The following PRICKLE2 variants were observed in gnomAD, a reference collection of about 807,000 sequenced individuals.
PRICKLE2 encodes the protein prickle planar cell polarity protein 2.
Under a neutral mutation model 81.4 loss-of-function variants are expected in PRICKLE2, and 21 were observed. The ratio of observed to expected loss-of-function variants is 0.26; its 90% CI spans 0.18 to 0.37. PRICKLE2 has a LOEUF of 0.37. Ranked by LOEUF, PRICKLE2 falls within the 10% of genes least tolerant of loss-of-function variation. The probability of loss-of-function intolerance (pLI) is 1.00; values close to 1 mark genes in which losing one functional copy is unlikely to be tolerated. For synonymous variants in PRICKLE2, 456 were observed against 421.5 expected, an observed-to-expected ratio of 1.08 and a Z score of -1.00; for missense variants, 940 against 1,109.0, an observed-to-expected ratio of 0.85 and a Z score of 2.16.
chr3:64,128,171 G>C lies in PRICKLE2; in HGVS notation c.1660+18659C>G, dbSNP rs138317692. On this transcript the variant is annotated intron_variant, in intron 7 of 7. Transcript: ENST00000638394. ...GTCACAGTGTGGGCAGGAAGGGCTGGCCTGGTCTAAGAGTGCCCACAGCGG... is the reference window on the plus strand; with the variant it reads ...GTCACAGTGTGGGCAGGAAGGGCTGCCCTGGTCTAAGAGTGCCCACAGCGG... 3.4e-3 allele frequency among the ~76,000 whole-genome samples: 520 copies of C among 152,260 alleles called. 1 individual carries two copies. Among genetic ancestry groups the C allele is most frequent in the African/African-American group, 0.011 (456 of 41,556 alleles).
At chr3:64,221,458 C>G (rs898016840) in intron 1 of PRICKLE2, among the ~76,000 whole-genome samples, 1 of 149,304 alleles carries the variant, frequency 6.7e-6, no homozygotes, top group Non-Finnish European at 1.5e-5. Flanking sequence ...CACACACACA[C>G]GCACACACAC....
Position 64,249,669 on chromosome 3 carries a change from T to C in PRICKLE2, c.129-50702A>G, listed in dbSNP as rs186150384. On this transcript the variant is annotated intron_variant, in intron 2 of 8. Coordinates refer to the PRICKLE2 transcript ENST00000295902. ...TCCTTGAACCCTACTGGTCATCTGT[T>C]CTATTCTACTTCCAGAATGTTATGT... Among the ~76,000 whole-genome samples, 120 of 152,342 alleles carry C rather than the reference T, an allele frequency of 7.9e-4. 1 individual carries two copies. Among genetic ancestry groups the C allele is most frequent in the African/African-American group, 2.8e-3 (115 of 41,592 alleles).
chr3:64,167,981 T>C (rs558934527), intron 2 of PRICKLE2, among the ~76,000 whole-genome samples: 1 of 152,252 alleles, frequency 6.6e-6, no homozygotes, highest in Admixed American at 6.5e-5. Flanking sequence ...AATGGTAGGA[T>C]TCCCACTTTC....
upstream of PRICKLE2, among the ~76,000 whole-genome samples, chr3:64,227,951 T>C (rs1475797495): frequency 6.6e-6 from 1 of 152,172 alleles, no homozygotes; most frequent in East Asian, 1.9e-4. Context: ...CAAAGTTCTA[T>C]CTAATGTGGG....
intron 2 of PRICKLE2, among the ~76,000 whole-genome samples, chr3:64,249,244 A>C (rs2079405828): frequency 6.6e-6 from 1 of 151,094 alleles, no homozygotes; most frequent in Admixed American, 6.6e-5. Flanking sequence ...GAGGAAAGAA[A>C]GAAAGCGAAG....
chr3:64,159,842 G>A, intron 4 of PRICKLE2, 98 bp downstream of exon 4: 1 of 1,481,118 alleles, frequency 6.8e-7, no homozygotes, highest in Non-Finnish European at 9.4e-7. Flanking sequence ...CTGTATCTCA[G>A]GCACATAGTA....
At chr3:64,248,610 T>C (rs114785437) in intron 2 of PRICKLE2, among the ~76,000 whole-genome samples, 1 of 151,788 alleles carries the variant, frequency 6.6e-6, no homozygotes, top group Non-Finnish European at 1.5e-5. Context: ...GGAAAAACCT[T>C]GTCCTTTCAT....
chr3:64,162,973 A>C, intron 3 of PRICKLE2, 43 bp downstream of exon 3: 3 of 1,146,846 alleles, frequency 2.6e-6, no homozygotes, highest in Non-Finnish European at 4.0e-6. Flanking sequence ...AATTCATAGA[A>C]GGCACTAAGA....
intron 2 of PRICKLE2, among the ~76,000 whole-genome samples, chr3:64,180,354 T>C (rs1229152718): frequency 6.6e-6 from 1 of 152,146 alleles, no homozygotes; most frequent in Non-Finnish European, 1.5e-5. Context: ...TTTACCACTT[T>C]TCAGCAGCAT....
At chr3:64,185,841 T>C (rs1373956868) in intron 2 of PRICKLE2, among the ~76,000 whole-genome samples, 1 of 152,206 alleles carries the variant, frequency 6.6e-6, no homozygotes, top group East Asian at 1.9e-4. Flanking sequence ...AGTTCCAACA[T>C]ATGTATGTAC....
chr3:64,189,784 C>T (rs542863984), intron 2 of PRICKLE2, among the ~76,000 whole-genome samples: 3 of 152,134 alleles, frequency 2.0e-5, no homozygotes, highest in Non-Finnish European at 2.9e-5. Flanking sequence ...GTAGTATGGA[C>T]ATAAATAAAT....
intron 7 of PRICKLE2, among the ~76,000 whole-genome samples, chr3:64,143,459 G>A (rs1227399461): frequency 6.6e-6 from 1 of 152,110 alleles, no homozygotes; most frequent in Non-Finnish European, 1.5e-5. Context: ...CTTTAGGAAT[G>A]GAAACCGCGT....
At chr3:64,151,420 G>A (rs1005504148) in intron 6 of PRICKLE2, among the ~76,000 whole-genome samples, 4 of 152,210 alleles carry the variant, frequency 2.6e-5, no homozygotes, top group Non-Finnish European at 4.4e-5. Flanking sequence ...AAGGGCGAAA[G>A]AAAGAGAAGA....
chr3:64,099,403 C>T lies in PRICKLE2; in HGVS notation c.2183G>A (p.Arg728His), dbSNP rs201590577. 4 of 1,599,718 alleles carry T rather than the reference C, an allele frequency of 2.5e-6. No individual in the cohort carries two copies. The highest frequency in any genetic ancestry group is 2.6e-6 in the Non-Finnish European group (3 of 1,170,318). The change falls in exon 8 of 8, where the codon CGC becomes CAC. Residue 728 changes from arginine (R) to histidine (H), a missense_variant. Arg to His is a conservative substitution (Grantham distance 29, BLOSUM62 0). Transcript: ENST00000638394. This position sits in a 1 kb window ranked among gnomAD's most constrained non-coding sequence, Gnocchi z 4.3. ...RAREDYDQFM[R>H]QRSFQESMGH... ...CATGCTCTCCTGGAAGCTCCGCTGG[C>T]GCATAAATTGGTCATAGTCCTCCCT...
chr3:64,122,892 A>T (rs1325604513), intron 7 of PRICKLE2, among the ~76,000 whole-genome samples: 1 of 152,196 alleles, frequency 6.6e-6, no homozygotes, highest in African/African-American at 2.4e-5. Flanking sequence ...ACAGGATGCT[A>T]GAGACCTGGA....
intron 6 of PRICKLE2, 98 bp downstream of exon 6, chr3:64,153,084 G>A: frequency 8.8e-7 from 1 of 1,141,602 alleles, no homozygotes; most frequent in Non-Finnish European, 1.3e-6. Context: ...GCATGAGTTG[G>A]GTTTCTAACA....
intron 6 of PRICKLE2, among the ~76,000 whole-genome samples, chr3:64,148,484 G>T (rs532659311): frequency 3.3e-5 from 5 of 152,216 alleles, no homozygotes; most frequent in Non-Finnish European, 7.3e-5. Flanking sequence ...GTGTATGACA[G>T]GGCTCTTTGT....
intron 7 of PRICKLE2, among the ~76,000 whole-genome samples, chr3:64,131,803 T>C (rs574966184): frequency 1.3e-5 from 2 of 152,342 alleles, no homozygotes; most frequent in African/African-American, 4.8e-5. Context: ...TGCCTCTTTG[T>C]AGTCTTGCAT....
intron 7 of PRICKLE2, among the ~76,000 whole-genome samples, chr3:64,138,284 A>G (rs2077307493): frequency 6.6e-6 from 1 of 152,138 alleles, no homozygotes; most frequent in East Asian, 1.9e-4. Context: ...ATGGGACATG[A>G]CTCAGGTCTG....
Sources: gnomAD v4.1 joint callset for allele counts (sites outside exome capture counted in the v4.1 genomes callset) on GRCh38, gnomAD v4.1.1 for gene constraint, Gnocchi (gnomAD v3.1) non-coding constraint, MANE v1.5 for transcripts, NCBI Gene and HGNC (gene_info 2026-07-23, HGNC 2026-07-21) for gene names.